The following UBA52 variants were observed in gnomAD, a reference collection of about 807,000 sequenced individuals.
UBA52 encodes ubiquitin-ribosomal protein eL40 fusion protein.
Under a neutral mutation model 15.3 loss-of-function variants are expected in UBA52, and 1 was observed. The observed-to-expected ratio is 0.07, with a 90% CI of 0.02 to 0.31. The LOEUF is 0.31. Among genes scored for constraint, UBA52 ranks in the 10% least tolerant of loss-of-function variants. The pLI is 1.00. For missense variants in UBA52, 87 were observed against 168.0 expected, an observed-to-expected ratio of 0.52 and a Z score of 2.66; for synonymous variants, 50 against 58.3, an observed-to-expected ratio of 0.86 and a Z score of 0.65.
chr19:18,570,160 T>C (rs1975429585), upstream of UBA52, among the ~76,000 whole-genome samples: 1 of 152,132 alleles, frequency 6.6e-6, no homozygotes, highest in South Asian at 2.1e-4. Flanking sequence ...AGCCTATAGG[T>C]AACTTCTCAT....
intron 3 of UBA52, 130 bp downstream of exon 3, chr19:18,573,878 C>T: frequency 1.1e-6 from 1 of 871,224 alleles, no homozygotes; most frequent in South Asian, 1.7e-5. Flanking sequence ...GGACTGGGCA[C>T]AGTGGCTCAT....
Position 18,574,989 on chromosome 19 carries a change from G to T in UBA52, c.293+17G>T, listed in dbSNP as rs531185785. ...CTGCCGCAAGTATGTGTGCTCCGAT[G>T]CTTGGGGGGCTGTGGGGGCTGCCGG... On this transcript the variant is annotated intron_variant, in intron 4 of 4. Transcript: ENST00000442744. 1 of 1,614,152 alleles carries T rather than the reference G, an allele frequency of 6.2e-7. No homozygotes were observed. The highest frequency in any genetic ancestry group is 1.3e-5 in the African/African-American group (1 of 74,990).
chr19:18,565,429 C>T, the UBA52 span, among the ~76,000 whole-genome samples: 1 of 152,082 alleles, frequency 6.6e-6, no homozygotes, highest in Non-Finnish European at 1.5e-5. Flanking sequence ...TGGGGTTTCA[C>T]CGTGTTAGTA....
upstream of UBA52, among the ~76,000 whole-genome samples, chr19:18,570,687 A>AT (rs930596715): frequency 2.4e-3 from 287 of 121,458 alleles, 1 homozygote; most frequent in South Asian, 2.9e-3. Context: ...AATTTTTGTA[A>AT]TTTTTTTTTT....
the UBA52 span, chr19:18,565,191 G>C: frequency 1.4e-6 from 2 of 1,392,992 alleles, no homozygotes; most frequent in African/African-American, 1.5e-5. Flanking sequence ...AAATCTTGAC[G>C]TAAGTTTATT....
chr19:18,574,043 C>T (rs571074077), intron 3 of UBA52, among the ~76,000 whole-genome samples: 7 of 151,804 alleles, frequency 4.6e-5, no homozygotes, highest in Admixed American at 2.6e-4. Context: ...CCCAGCACTT[C>T]GGGAGGCTGA....
chr19:18,569,375 AAAAGT>A (rs1975408400), upstream of UBA52: 1 of 152,650 alleles, frequency 6.6e-6, no homozygotes, highest in Admixed American at 6.5e-5. Context: ...CTAAAAAGGG[AAAAGT>A]ACACCTAGCT....
Position 18,574,849 on chromosome 19 carries a change from CCTT to C in UBA52, c.191-18_191-16del, listed in dbSNP as rs1452355167. ...AGCCAGGGCTGGGCTCAGTCGCCGT[CCTT>C]CTGGCTGTCTCCTGCAGAGTCCACC... On this transcript the variant is annotated intron_variant, in intron 3 of 4. Transcript: ENST00000442744. 14 of 1,611,714 alleles carry C rather than the reference CCTT, an allele frequency of 8.7e-6. No individual in the cohort carries two copies. In the African/African-American group the frequency reaches 1.5e-4, roughly 17 times the overall value.
At chr19:18,566,938 G>C (rs1166774424), upstream of UBA52, among the ~76,000 whole-genome samples, 2 of 152,226 alleles carry the variant, frequency 1.3e-5, no homozygotes, top group Admixed American at 6.5e-5. Context: ...GAGGCCGGCT[G>C]GTGGGCGACT....
In UBA52 at chr19:18,575,390, C is replaced by G. The variant is rs917155558; in HGVS notation, c.*240C>G. 1 of 526,292 alleles carries G rather than the reference C, an allele frequency of 1.9e-6. No homozygotes were observed. Among genetic ancestry groups the G allele is most frequent in the African/African-American group, 1.9e-5 (1 of 52,150 alleles). 32.6% of individuals were successfully genotyped at this position (526,292 alleles called of 1,614,324 possible). On this transcript the variant is annotated 3_prime_UTR_variant, in exon 5 of 5. Coordinates refer to ENST00000442744, the MANE Select transcript of UBA52 (RefSeq NM_001033930.3). ...TCGGCATTGGTCCCTGCCCTATGCC[C>G]CTGACTCTGGATTTGTCATCTGTAA...
At chr19:18,573,514 G>T in intron 2 of UBA52, 111 bp downstream of exon 2, 1 of 1,288,308 alleles carries the variant, frequency 7.8e-7, no homozygotes, top group Admixed American at 1.9e-5. Flanking sequence ...TTTTGCCCTT[G>T]CTTCTCCATG....
At chr19:18,564,558 G>C in the UBA52 span, among the ~76,000 whole-genome samples, 2 of 152,152 alleles carry the variant, frequency 1.3e-5, no homozygotes, top group Admixed American at 6.5e-5. Flanking sequence ...GGGAGACGGA[G>C]CTTGCAGTGA....
chr19:18,570,226 A>G (rs1419057939), upstream of UBA52, among the ~76,000 whole-genome samples: 1 of 151,282 alleles, frequency 6.6e-6, no homozygotes, highest in Non-Finnish European at 1.5e-5. Flanking sequence ...TTTTTGAGAC[A>G]GCACCTCTCT....
intron 1 of UBA52, chr19:18,572,244 C>T (rs1419272015): frequency 2.6e-5 from 4 of 152,266 alleles, no homozygotes; most frequent in Non-Finnish European, 4.4e-5. Context: ...TACTAAATTT[C>T]TCGAGCTGAG....
chr19:18,567,188 A>T, upstream of UBA52: 4 of 1,614,030 alleles, frequency 2.5e-6, no homozygotes, highest in Non-Finnish European at 3.4e-6. Flanking sequence ...CGTAAGTGTC[A>T]CGCAGGGTTC....
At chr19:18,571,527 A>G (rs1002107854), upstream of UBA52, among the ~76,000 whole-genome samples, 2 of 152,200 alleles carry the variant, frequency 1.3e-5, no homozygotes, top group African/African-American at 4.8e-5. Context: ...TCCTCTGCTT[A>G]ATACCTTTGC....
At chr19:18,575,029 C>T (rs760841596) in intron 4 of UBA52, 28 bp from the exon 5 acceptor site, 23 of 1,614,108 alleles carry the variant, frequency 1.4e-5, no homozygotes, top group Non-Finnish European at 6.8e-6. Flanking sequence ...GGGGTATGCC[C>T]TCACCCACCC....
chr19:18,567,504 G>A (rs537991101), upstream of UBA52, among the ~76,000 whole-genome samples: 64 of 152,284 alleles, frequency 4.2e-4, no homozygotes, highest in Non-Finnish European at 3.8e-4. Flanking sequence ...CCCCGACATC[G>A]TCTCGCCTTC....
chr19:18,565,244 T>C, the UBA52 span: 2 of 1,310,672 alleles, frequency 1.5e-6, no homozygotes, highest in East Asian at 5.3e-5. Context: ...TTTTTTTTTT[T>C]TTGGAGACGG....
Sources: allele counts gnomAD v4.1 joint callset (sites outside exome capture counted in the v4.1 genomes callset), GRCh38; gene constraint gnomAD v4.1.1; transcripts MANE v1.5; gene names NCBI Gene and HGNC (gene_info 2026-07-23, HGNC 2026-07-21).